The following CHD6 variants were observed in gnomAD, a reference collection of about 807,000 sequenced individuals.
CHD6 encodes chromodomain helicase DNA binding protein 6.
In CHD6, 50 loss-of-function variants were observed where a neutral mutation model predicts 276.9. That is an observed-to-expected ratio of 0.18 (90% CI 0.14 to 0.23). The LOEUF (loss-of-function observed/expected upper bound fraction) is 0.23, where lower values mean the gene tolerates loss of function less well. Ranked by LOEUF, CHD6 falls within the 10% of genes least tolerant of loss-of-function variation. The probability of loss-of-function intolerance (pLI) is 1.00; values close to 1 mark genes in which losing one functional copy is unlikely to be tolerated. For synonymous variants in CHD6, 1,173 were observed against 1,229.3 expected, an observed-to-expected ratio of 0.95 and a Z score of 0.96; for missense variants, 2,564 against 3,365.8, an observed-to-expected ratio of 0.76 and a Z score of 5.89.
intron 25 of CHD6, among the ~76,000 whole-genome samples, chr20:41,441,793 AAT>A (rs1381563188): frequency 6.6e-6 from 1 of 152,250 alleles, no homozygotes; most frequent in African/African-American, 2.4e-5. Flanking sequence ...CTGCAACAGC[AAT>A]ACAAAGACAA....
At chr20:41,578,099 T>C (rs1284868975) in intron 1 of CHD6, among the ~76,000 whole-genome samples, 1 of 152,182 alleles carries the variant, frequency 6.6e-6, no homozygotes, top group African/African-American at 2.4e-5. Context: ...TTCACCATGA[T>C]TCATACTCCT....
rs374796022 is a variant in CHD6 at position 41,533,054 on chromosome 20, C to A, written c.550G>T (p.Ala184Ser). 6.3e-7 allele frequency: 1 copy of A among 1,588,338 alleles called. No homozygotes were observed. The highest frequency in any genetic ancestry group is 8.5e-7 in the Non-Finnish European group (1 of 1,171,854). The change falls in exon 3 of 37, where the codon GCC becomes TCC. Residue 184 changes from alanine (A) to serine (S), a missense_variant. By Grantham distance (99) the Ala-to-Ser change is moderately conservative (BLOSUM62 1). Coordinates refer to ENST00000373233, the MANE Select transcript of CHD6 (RefSeq NM_032221.5). The part of the protein sequence containing the change: ...DSAARTKSRK[A>S]SKEQGPTPVE... ...AGAAGGGAGAAAGGAACGTACCTGGCCTTCCTGGACTTCGTCCTGGCTGCA... is the reference window on the plus strand; with the variant it reads ...AGAAGGGAGAAAGGAACGTACCTGGACTTCCTGGACTTCGTCCTGGCTGCA...
intron 1 of CHD6, among the ~76,000 whole-genome samples, chr20:41,610,537 G>A (rs1229234890): frequency 6.6e-6 from 1 of 152,048 alleles, no homozygotes; most frequent in Non-Finnish European, 1.5e-5. Context: ...CGAGGCGGGC[G>A]GAATACAAGG....
Position 41,421,815 on chromosome 20 carries a change from G to A in CHD6, c.4820C>T (p.Ser1607Phe). 6.2e-7 allele frequency: 1 copy of A among 1,614,192 alleles called. No homozygotes were observed. The highest frequency in any genetic ancestry group is 8.5e-7 in the Non-Finnish European group (1 of 1,180,040). The change falls in exon 31 of 37, where the codon TCC becomes TTC. Residue 1607 changes from serine (S) to phenylalanine (F), a missense_variant. Physicochemically the swap from Ser to Phe is radical, Grantham distance 155. Around this residue, in one of 7 missense-constraint regions of CHD6, gnomAD observed 515 missense variants for 739.5 expected, o/e 0.70. Coordinates refer to ENST00000373233, the MANE Select transcript of CHD6 (RefSeq NM_032221.5). ...DCYIMNDPQL[S>F]FLDAYRNYAQ... ...ATAGTTTCTATAGGCATCCAGGAAG[G>A]ACAGCTGGGGGTCGTTCATGATGTA...
At chr20:41,434,104 A>G (rs1211943793) in intron 27 of CHD6, among the ~76,000 whole-genome samples, 1 of 152,210 alleles carries the variant, frequency 6.6e-6, no homozygotes, top group Non-Finnish European at 1.5e-5. Flanking sequence ...GGTCTGAATA[A>G]TATCAACTAG....
At chr20:41,615,058 C>A (rs1390957087) in intron 1 of CHD6, among the ~76,000 whole-genome samples, 2 of 152,138 alleles carry the variant, frequency 1.3e-5, no homozygotes, top group Admixed American at 6.5e-5. Flanking sequence ...TACAACAGTA[C>A]GCTTGAGCTT....
chr20:41,419,917 A>G (rs2047130753), intron 31 of CHD6, among the ~76,000 whole-genome samples: 1 of 152,218 alleles, frequency 6.6e-6, no homozygotes. Context: ...AAACCCTTAT[A>G]TAAGATTTCC....
At chr20:41,589,202 T>C (rs1016576684) in intron 1 of CHD6, among the ~76,000 whole-genome samples, 5 of 152,218 alleles carry the variant, frequency 3.3e-5, no homozygotes, top group African/African-American at 1.2e-4. Flanking sequence ...AAATTAGGTA[T>C]TGATGGGACA....
chr20:41,575,862 CA>C (rs1403606358), intron 1 of CHD6, among the ~76,000 whole-genome samples: 4 of 151,528 alleles, frequency 2.6e-5, no homozygotes, highest in African/African-American at 9.7e-5. Flanking sequence ...AAAGTGAAGC[CA>C]AAATAAAAAA....
intron 1 of CHD6, among the ~76,000 whole-genome samples, chr20:41,552,746 T>C (rs372500561): frequency 6.6e-6 from 1 of 152,182 alleles, no homozygotes; most frequent in Admixed American, 6.5e-5. Context: ...CAAAATGCCA[T>C]GGAATCTGTC....
chr20:41,591,381 C>T (rs111271416), intron 1 of CHD6, among the ~76,000 whole-genome samples: 705 of 57,702 alleles, frequency 0.012, 5 homozygotes, highest in African/African-American at 0.022. Flanking sequence ...TATATATATA[C>T]ACACACACAC....
intron 1 of CHD6, among the ~76,000 whole-genome samples, chr20:41,596,105 G>A (rs555364180): frequency 5.9e-5 from 9 of 152,128 alleles, no homozygotes; most frequent in African/African-American, 1.4e-4. Flanking sequence ...CCTGCCCTGC[G>A]GGCCCCGTCA....
Position 41,415,273 on chromosome 20 carries a change from C to T in CHD6, c.6852G>A (p.Thr2284=), listed in dbSNP as rs2235589. The T allele has an allele frequency of 0.035, 56,242 of 1,614,092 alleles. 3,555 individuals are homozygous for T. Among genetic ancestry groups the T allele is most frequent in the East Asian group, 0.3 (13,290 of 44,852 alleles). ...NGSLRRDDAA[T]RRRRGRRKHV... ...GTTTCCGCCTCCCTCTCCGCCTCCT[C>T]GTGGCTGCATCATCTCTTCTGAGGC... The change falls in exon 34 of 37, where the codon ACG becomes ACA. Residue 2284 remains threonine, a synonymous_variant. Transcript: ENST00000373233.
At chr20:41,605,832 A>C (rs917019520) in intron 1 of CHD6, among the ~76,000 whole-genome samples, 1 of 152,254 alleles carries the variant, frequency 6.6e-6, no homozygotes, top group Non-Finnish European at 1.5e-5. Context: ...AAAGGAAAGA[A>C]GTGAAATGAA....
At chr20:41,476,602 G>A (rs2043172707) in intron 16 of CHD6, among the ~76,000 whole-genome samples, 1 of 152,116 alleles carries the variant, frequency 6.6e-6, no homozygotes, top group Admixed American at 6.5e-5. Flanking sequence ...TAAGAAATAT[G>A]AAGGCTTGGT....
At chr20:41,453,216 A>G (rs1307672332) in intron 20 of CHD6, among the ~76,000 whole-genome samples, 1 of 151,890 alleles carries the variant, frequency 6.6e-6, no homozygotes, top group Non-Finnish European at 1.5e-5. Flanking sequence ...GGGTGTGGGC[A>G]GGCAAGGCCC....
At chr20:41,513,681 C>T (rs762451782) in intron 4 of CHD6, among the ~76,000 whole-genome samples, 14 of 152,068 alleles carry the variant, frequency 9.2e-5, no homozygotes, top group Non-Finnish European at 1.9e-4. Flanking sequence ...GCATACAGTC[C>T]ATCTCTACAT....
At chr20:41,518,166 A>T (rs1426978914) in intron 3 of CHD6, among the ~76,000 whole-genome samples, 7 of 152,198 alleles carry the variant, frequency 4.6e-5, no homozygotes, top group Admixed American at 4.6e-4. Context: ...TACAATCTTA[A>T]ATCTTTCTTT....
chr20:41,429,567 GAGGA>G (rs2047470110), intron 27 of CHD6, among the ~76,000 whole-genome samples: 1 of 152,162 alleles, frequency 6.6e-6, no homozygotes, highest in African/African-American at 2.4e-5. Context: ...GAAAAATATA[GAGGA>G]ACTAGAGGTA....
Sources: allele counts gnomAD v4.1 joint callset (sites outside exome capture counted in the v4.1 genomes callset), GRCh38; gene constraint gnomAD v4.1.1; regional missense constraint gnomAD v4.1.1; transcripts MANE v1.5; gene names NCBI Gene and HGNC (gene_info 2026-07-23, HGNC 2026-07-21).